GRM1: variants seen among roughly 807,000 people sequenced by gnomAD.
GRM1 encodes the protein glutamate metabotropic receptor 1, also known as metabotropic glutamate receptor 1.
Under a neutral mutation model 90.9 loss-of-function variants are expected in GRM1, and 33 were observed. The observed-to-expected ratio is 0.36, with a 90% CI of 0.28 to 0.49. The LOEUF (loss-of-function observed/expected upper bound fraction) is 0.49. Ranked by LOEUF, GRM1 falls within the 20% of genes least tolerant of loss-of-function variation. The pLI is 0.99. For synonymous variants in GRM1, 700 were observed against 613.2 expected, an observed-to-expected ratio of 1.14 and a Z score of -2.09; for missense variants, 1,190 against 1,534.3, an observed-to-expected ratio of 0.78 and a Z score of 3.75.
chr6:146,357,913 A>C (rs1323341288), intron 5 of GRM1, among the ~76,000 whole-genome samples: 1 of 152,248 alleles, frequency 6.6e-6, no homozygotes, highest in Non-Finnish European at 1.5e-5. Flanking sequence ...TACTTGAATC[A>C]CAATGATGGA....
At chr6:146,275,459 CA>C (rs1413568412) in intron 2 of GRM1, among the ~76,000 whole-genome samples, 1 of 152,054 alleles carries the variant, frequency 6.6e-6, no homozygotes, top group African/African-American at 2.4e-5. Flanking sequence ...ATGGACTCCT[CA>C]ATCTCTTTTG....
At chr6:146,280,882 G>T (rs1467768987) in intron 2 of GRM1, among the ~76,000 whole-genome samples, 3 of 151,964 alleles carry the variant, frequency 2.0e-5, no homozygotes, top group African/African-American at 7.3e-5. Context: ...TCCAGCCTTG[G>T]CCTCCCAGAG....
In GRM1 at chr6:146,109,710, T is replaced by C. The variant is rs181949949; in HGVS notation, c.701-49638T>C. Among the ~76,000 whole-genome samples the C allele has an allele frequency of 5.3e-5, 8 of 152,152 alleles. No homozygotes were observed. In the South Asian group the frequency reaches 8.3e-4, roughly 16 times the overall value. ...TTGCACCATGCACCTGGAAAATCCA[T>C]AGATACTCAATTCCGGCCCACGAAA... On this transcript the variant is annotated intron_variant, in intron 1 of 7. Transcript: ENST00000282753.
At chr6:146,343,868 AT>A (rs1033331611) in intron 3 of GRM1, among the ~76,000 whole-genome samples, 1 of 151,732 alleles carries the variant, frequency 6.6e-6, no homozygotes, top group South Asian at 2.1e-4. Context: ...ACTACACATG[AT>A]TTTTTTTCCC....
At chr6:146,397,390 C>G (rs376478077) in intron 6 of GRM1, among the ~76,000 whole-genome samples, 1 of 140,874 alleles carries the variant, frequency 7.1e-6, no homozygotes, top group Non-Finnish European at 1.5e-5. Flanking sequence ...AGGAGAATGG[C>G]GTGAATCCAG....
chr6:146,415,349 T>C lies in GRM1; in HGVS notation c.2660+15650T>C, dbSNP rs150816800. ...AATATCATCACACTGGGAGTTAGGA[T>C]TTCAATGCATAAATTTGGAGGAGGC... On this transcript the variant is annotated intron_variant, in intron 7 of 7. Transcript: ENST00000282753. Among the ~76,000 whole-genome samples, 5 of 152,308 alleles carry C rather than the reference T, an allele frequency of 3.3e-5. No homozygotes were observed. The East Asian group carries it at 5.8e-4, about 18-fold the overall frequency.
At chr6:146,234,012 A>G (rs1780540563) in intron 2 of GRM1, among the ~76,000 whole-genome samples, 1 of 152,084 alleles carries the variant, frequency 6.6e-6, no homozygotes, top group Non-Finnish European at 1.5e-5. Context: ...GCATTGTTAT[A>G]TCTTCCTTAT....
At chr6:146,378,509 GC>G (rs1164158334) in intron 5 of GRM1, among the ~76,000 whole-genome samples, 1 of 152,192 alleles carries the variant, frequency 6.6e-6, no homozygotes, top group Admixed American at 6.5e-5. Context: ...TTTAATGACT[GC>G]CATATTGGGT....
chr6:146,430,880 C>T (rs1051469804), intron 7 of GRM1, among the ~76,000 whole-genome samples: 2 of 152,182 alleles, frequency 1.3e-5, no homozygotes, highest in Non-Finnish European at 2.9e-5. Context: ...GAATAACACT[C>T]TTTATCATAA....
intron 2 of GRM1, among the ~76,000 whole-genome samples, chr6:146,233,998 T>C (rs533280587): frequency 3.4e-4 from 52 of 152,214 alleles, no homozygotes; most frequent in African/African-American, 1.2e-3. Context: ...TCCATACACA[T>C]ATAGCATTGT....
At position 146,275,994 on chromosome 6, in the gene GRM1, C is replaced by CAG. The variant is rs150993040; in HGVS notation, c.951-28598_951-28597dup. Among the ~76,000 whole-genome samples, 876 of 148,798 alleles carry CAG rather than the reference C, an allele frequency of 5.9e-3. 4 individuals are homozygous for CAG. Among genetic ancestry groups the CAG allele is most frequent in the African/African-American group, 0.014 (567 of 40,710 alleles). On this transcript the variant is annotated intron_variant, in intron 2 of 7. Coordinates refer to ENST00000282753, the MANE Select transcript of GRM1 (RefSeq NM_001278064.2). ...AAGAGAAGAAAGAGGAGGAGGAAGG[C>CAG]AGAGAGAGAGAGAGAGAGAGCACAA...
intron 1 of GRM1, among the ~76,000 whole-genome samples, chr6:146,065,889 G>A (rs1389717504): frequency 6.6e-6 from 1 of 152,016 alleles, no homozygotes; most frequent in African/African-American, 2.4e-5. Context: ...TGCTCCATGT[G>A]GTTGTATAAG....
At chr6:146,108,740 G>A (rs1375784819) in intron 1 of GRM1, among the ~76,000 whole-genome samples, 1 of 152,122 alleles carries the variant, frequency 6.6e-6, no homozygotes, top group Non-Finnish European at 1.5e-5. Flanking sequence ...GGAAAATGTG[G>A]GAAAGTTTGG....
chr6:146,045,345 C>T (rs940455040), intron 1 of GRM1, among the ~76,000 whole-genome samples: 3 of 151,858 alleles, frequency 2.0e-5, no homozygotes, highest in East Asian at 1.9e-4. Context: ...TGCCTTCTCC[C>T]GCTAGAATAC....
rs537113853 is a variant in GRM1 at position 146,280,011 on chromosome 6, C to T, written c.951-24600C>T. Among the ~76,000 whole-genome samples, 18 of 152,142 alleles carry T rather than the reference C, an allele frequency of 1.2e-4. No homozygotes were observed. The South Asian group carries it at 3.7e-3, about 32-fold the overall frequency. ...TTTATCCTGCTAGGATTTTATTGAA[C>T]TTCTTGGATGTGTGGGTTGATTTCT... On this transcript the variant is annotated intron_variant, in intron 2 of 7. Coordinates refer to ENST00000282753, the MANE Select transcript of GRM1 (RefSeq NM_001278064.2).
intron 1 of GRM1, among the ~76,000 whole-genome samples, chr6:146,139,541 AT>A (rs1364884755): frequency 6.6e-6 from 1 of 152,184 alleles, no homozygotes; most frequent in African/African-American, 2.4e-5. Flanking sequence ...CTCTTGGTGA[AT>A]TGACCACTTT....
chr6:146,285,644 C>A (rs1264060462), intron 2 of GRM1, among the ~76,000 whole-genome samples: 1 of 152,190 alleles, frequency 6.6e-6, no homozygotes, highest in Non-Finnish European at 1.5e-5. Flanking sequence ...AGTATTTCTG[C>A]ATGGTGACCT....
chr6:146,422,193 C>T (rs2114661999), intron 7 of GRM1, among the ~76,000 whole-genome samples: 1 of 152,266 alleles, frequency 6.6e-6, no homozygotes, highest in East Asian at 1.9e-4. Context: ...ACTTCATAGA[C>T]AGCTAACCTG....
At chr6:146,091,679 G>A (rs1269226726) in intron 1 of GRM1, among the ~76,000 whole-genome samples, 3 of 152,180 alleles carry the variant, frequency 2.0e-5, no homozygotes, top group African/African-American at 7.2e-5. Flanking sequence ...AGAATAATTA[G>A]TAGCTAGAGT....
Sources: gnomAD v4.1 joint callset for allele counts (sites outside exome capture counted in the v4.1 genomes callset) on GRCh38, gnomAD v4.1.1 for gene constraint, MANE v1.5 for transcripts, NCBI Gene and HGNC (gene_info 2026-07-23, HGNC 2026-07-21) for gene names.